The following GPC5 variants were observed in gnomAD, a reference collection of about 807,000 sequenced individuals.
The protein encoded by GPC5 is glypican-5.
GPC5 carries 47 observed loss-of-function variants against 53.9 expected under a neutral mutation model. The ratio of observed to expected loss-of-function variants is 0.87; its 90% CI spans 0.69 to 1.11. The LOEUF is 1.11. Ranked by LOEUF, GPC5 falls within the 50% of genes most tolerant of loss-of-function variation. The probability of loss-of-function intolerance (pLI) is 0.00; values close to 1 mark genes in which losing one functional copy is unlikely to be tolerated. For missense variants in GPC5, 748 were observed against 713.1 expected (o/e 1.05, Z -0.56); for synonymous variants, 286 against 263.3 (o/e 1.09, Z -0.84).
chr13:91,598,072 C>T (rs1264292627), intron 2 of GPC5, among the ~76,000 whole-genome samples: 1 of 152,110 alleles, frequency 6.6e-6, no homozygotes, highest in South Asian at 2.1e-4. Flanking sequence ...CTTTAAAACT[C>T]TACAAGTTTA....
chr13:92,390,806 T>C (rs1874967739), intron 7 of GPC5, among the ~76,000 whole-genome samples: 1 of 152,198 alleles, frequency 6.6e-6, no homozygotes, highest in Admixed American at 6.5e-5. Flanking sequence ...AGTTTTATTT[T>C]AAAAGTAGTA....
chr13:91,986,758 T>G (rs1172345346), intron 6 of GPC5, among the ~76,000 whole-genome samples: 1 of 152,390 alleles, frequency 6.6e-6, no homozygotes, highest in South Asian at 2.1e-4. Flanking sequence ...TGAAATATTT[T>G]CTTTTTATAT....
At chr13:92,527,136 GAA>G (rs1226726358) in intron 7 of GPC5, among the ~76,000 whole-genome samples, 3 of 112,952 alleles carry the variant, frequency 2.7e-5, no homozygotes, top group Non-Finnish European at 5.7e-5. Flanking sequence ...AAGAAAGAAA[GAA>G]AGAAAGAAAG....
At chr13:91,696,869 C>A (rs1566618345) in intron 3 of GPC5, among the ~76,000 whole-genome samples, 1 of 152,092 alleles carries the variant, frequency 6.6e-6, no homozygotes, top group Non-Finnish European at 1.5e-5. Flanking sequence ...AGAGAGGTAA[C>A]AAAGAGTAGG....
intron 5 of GPC5, among the ~76,000 whole-genome samples, chr13:91,870,787 A>G (rs1437586797): frequency 2.6e-5 from 4 of 152,224 alleles, no homozygotes; most frequent in African/African-American, 9.6e-5. Flanking sequence ...TTTCTTGCTT[A>G]AACATTGACA....
chr13:92,203,637 T>TA (rs1005147296), intron 7 of GPC5, among the ~76,000 whole-genome samples: 112 of 124,612 alleles, frequency 9.0e-4, no homozygotes, highest in African/African-American at 1.8e-3. Context: ...TAGAGTATAA[T>TA]AAAAAAATAT....
chr13:92,484,549 C>G (rs1879482396), intron 7 of GPC5: 1 of 152,040 alleles, frequency 6.6e-6, no homozygotes, highest in Non-Finnish European at 1.5e-5. Flanking sequence ...ATGCATTGTG[C>G]TCTGACATCA....
At chr13:92,605,576 G>GTTTTTT (rs55887927) in intron 7 of GPC5, among the ~76,000 whole-genome samples, 1,559 of 139,412 alleles carry the variant, frequency 0.011, 107 homozygotes, top group African/African-American at 0.04. Context: ...GTATTCACTA[G>GTTTTTT]TTTTTTTTTT....
chr13:92,547,643 ATTC>A (rs1045283754), intron 7 of GPC5, among the ~76,000 whole-genome samples: 2 of 152,132 alleles, frequency 1.3e-5, no homozygotes, highest in African/African-American at 4.8e-5. Flanking sequence ...TTCAAGATCT[ATTC>A]TTCTTTGAAA....
At position 91,540,099 on chromosome 13, in the gene GPC5, C is replaced by G. The variant is rs1216453922; in HGVS notation, c.325+91177C>G. On this transcript the variant is annotated intron_variant, in intron 2 of 7. Coordinates refer to ENST00000377067, the MANE Select transcript of GPC5 (RefSeq NM_004466.6). ...CAGAAACCAAGATTATTCTTTGTCC[C>G]TTGTTCAACAGTACTAGGACTAAGC... 2.6e-5 allele frequency among the ~76,000 whole-genome samples: 4 copies of G among 152,162 alleles called. No homozygotes were observed. The East Asian group carries it at 5.8e-4, about 22-fold the overall frequency.
chr13:92,101,410 C>T (rs1283319418), intron 6 of GPC5, among the ~76,000 whole-genome samples: 2 of 152,150 alleles, frequency 1.3e-5, no homozygotes, highest in Non-Finnish European at 2.9e-5. Flanking sequence ...GCCTGTTGAG[C>T]TTGTAAGTGT....
chr13:91,526,186 G>A lies in GPC5; in HGVS notation c.325+77264G>A, dbSNP rs530087300. ...AATTAGTAGGGACAGAAGGAGAGAC[G>A]ATTTTAACAGATATGTGAGATACAT... On this transcript the variant is annotated intron_variant, in intron 2 of 7. Coordinates refer to ENST00000377067, the MANE Select transcript of GPC5 (RefSeq NM_004466.6). Among the ~76,000 whole-genome samples the A allele has an allele frequency of 9.8e-5, 15 of 152,296 alleles. No homozygotes were observed. The East Asian group carries it at 2.3e-3, about 23-fold the overall frequency.
intron 5 of GPC5, among the ~76,000 whole-genome samples, chr13:91,786,616 G>C (rs1161480831): frequency 6.6e-6 from 1 of 152,028 alleles, no homozygotes; most frequent in Admixed American, 6.6e-5. Context: ...CGTGATTTAA[G>C]AATTTTTACC....
intron 1 of GPC5, among the ~76,000 whole-genome samples, chr13:91,427,921 T>G (rs529858764): frequency 6.6e-6 from 1 of 152,274 alleles, no homozygotes; most frequent in African/African-American, 2.4e-5. Flanking sequence ...TTTCCTGAGC[T>G]GACACACAGA....
At chr13:92,281,142 G>A (rs9516037) in intron 7 of GPC5, among the ~76,000 whole-genome samples, 13,010 of 152,174 alleles carry the variant, frequency 0.085, 613 homozygotes, top group Middle Eastern at 0.12. Flanking sequence ...ACGGAGCCTC[G>A]CTCATTGCTA....
intron 7 of GPC5, among the ~76,000 whole-genome samples, chr13:92,392,269 G>A (rs1875040542): frequency 1.3e-5 from 2 of 151,998 alleles, no homozygotes; most frequent in Non-Finnish European, 2.9e-5. Context: ...TCTATAGTTT[G>A]ATGATATAAT....
At chr13:92,421,465 C>T (rs546308349) in intron 7 of GPC5, among the ~76,000 whole-genome samples, 87 of 152,064 alleles carry the variant, frequency 5.7e-4, no homozygotes, top group Middle Eastern at 6.8e-3. Context: ...TTTGGGAGGC[C>T]GAGGCGGGTG....
intron 7 of GPC5, among the ~76,000 whole-genome samples, chr13:92,853,689 TAGA>T (rs1388737746): frequency 2.0e-5 from 3 of 152,110 alleles, no homozygotes; most frequent in African/African-American, 7.2e-5. Context: ...AAATGAACAC[TAGA>T]AGAAGAAACT....
In GPC5 at chr13:91,697,387, C is replaced by T. The variant is rs182704990; in HGVS notation, c.1020+3506C>T. ...CAAACTCCTGACCTTGTGATCTGCC[C>T]GCCTTGGCCTCCCAAAGTGCTGGGA... is the stretch of plus-strand genomic sequence containing the variant. On this transcript the variant is annotated intron_variant, in intron 3 of 7. Coordinates refer to ENST00000377067, the MANE Select transcript of GPC5 (RefSeq NM_004466.6). Among the ~76,000 whole-genome samples, 201 of 152,200 alleles carry T rather than the reference C, an allele frequency of 1.3e-3. 1 individual carries two copies. In the Middle Eastern group the frequency reaches 0.014, roughly 10 times the overall value.
Sources: gnomAD v4.1 joint callset for allele counts (sites outside exome capture counted in the v4.1 genomes callset) on GRCh38, gnomAD v4.1.1 for gene constraint, MANE v1.5 for transcripts, NCBI Gene and HGNC (gene_info 2026-07-23, HGNC 2026-07-21) for gene names.